The following RGS7 variants were observed in gnomAD, a reference collection of about 807,000 sequenced individuals.
The protein encoded by RGS7 is regulator of G protein signaling 7.
A neutral mutation model predicts 81.1 loss-of-function variants in RGS7; 27 were observed. The observed-to-expected ratio is 0.33, with a 90% CI of 0.25 to 0.46. The LOEUF is 0.46. RGS7 is among the 20% of genes least tolerant of loss of function. RGS7 has a pLI of 1.00. For synonymous variants in RGS7, 208 were observed against 207.7 expected (o/e 1.00, Z -0.01); for missense variants, 396 against 607.4 (o/e 0.65, Z 3.66).
intron 2 of RGS7, among the ~76,000 whole-genome samples, chr1:241,323,297 A>AT (rs902568995): frequency 6.6e-6 from 1 of 152,174 alleles, no homozygotes; most frequent in African/African-American, 2.4e-5. Context: ...TGTTGTGACA[A>AT]TTTTTTTCAT....
intron 4 of RGS7, among the ~76,000 whole-genome samples, chr1:240,939,150 C>A (rs2148387167): frequency 6.6e-6 from 1 of 152,296 alleles, no homozygotes; most frequent in Admixed American, 6.5e-5. Context: ...ATGGTAGCTA[C>A]TGTGCTTCAT....
At position 241,310,255 on chromosome 1, in the gene RGS7, T is replaced by A. The variant is rs115456920; in HGVS notation, c.78+45444A>T. Among the ~76,000 whole-genome samples, 773 of 152,292 alleles carry A rather than the reference T, an allele frequency of 5.1e-3. 4 individuals carry two copies. The highest frequency in any genetic ancestry group is 0.01 in the Middle Eastern group (3 of 294). ...AAAAAAAGTCAAGAACTTGAGAAAT[T>A]GACTGAAGTAGCACCCTGTCTTCTA... On this transcript the variant is annotated intron_variant, in intron 2 of 18. Coordinates refer to ENST00000440928, the MANE Select transcript of RGS7 (RefSeq NM_001364886.1).
At chr1:241,282,700 T>C (rs1171526127) in intron 2 of RGS7, among the ~76,000 whole-genome samples, 1 of 152,122 alleles carries the variant, frequency 6.6e-6, no homozygotes, top group Non-Finnish European at 1.5e-5. Context: ...AGCTGTAGGG[T>C]TTCTGTAAAT....
rs780846590 is a variant in RGS7 at position 241,355,788 on chromosome 1, C to T, written c.-12G>A. The stretch of plus-strand genomic sequence containing the variant: ...TTCCCCTGGGCCATGTCACCCAAAA[C>T]TTGGTCCACTCTCAAGATACAAGAA... On this transcript the variant is annotated 5_prime_UTR_variant, in exon 2 of 19. Transcript: ENST00000440928. The T allele has an allele frequency of 6.2e-7, 1 of 1,613,342 alleles. No individual in the cohort carries two copies. Among genetic ancestry groups the T allele is most frequent in the South Asian group, 1.1e-5 (1 of 91,062 alleles).
chr1:241,346,845 TA>T (rs1355765714), intron 2 of RGS7, among the ~76,000 whole-genome samples: 3 of 152,130 alleles, frequency 2.0e-5, no homozygotes, highest in Admixed American at 1.3e-4. Flanking sequence ...ATACCAAATA[TA>T]AAATTTAGAA....
rs1663406437 is a variant in RGS7 at position 240,866,911 on chromosome 1, G to A, written c.609+1676C>T. Among the ~76,000 whole-genome samples the A allele has an allele frequency of 2.0e-5, 3 of 152,136 alleles. No homozygotes were observed. The South Asian group carries it at 6.2e-4, about 32-fold the overall frequency. On this transcript the variant is annotated intron_variant, in intron 9 of 18. Transcript: ENST00000440928. ...GGTTGCCAGGAGGATCCAGGTCATGGAAGCTAAACGAGGCTAGAGATGAGC... is the reference window on the plus strand; with the variant it reads ...GGTTGCCAGGAGGATCCAGGTCATGAAAGCTAAACGAGGCTAGAGATGAGC...
chr1:240,831,825 C>T (rs1202488107), intron 9 of RGS7, among the ~76,000 whole-genome samples: 1 of 151,968 alleles, frequency 6.6e-6, no homozygotes, highest in Non-Finnish European at 1.5e-5. Flanking sequence ...TTAGTAGAGA[C>T]AAGGTTTTGC....
intron 3 of RGS7, among the ~76,000 whole-genome samples, chr1:241,059,129 C>T (rs2061620009): frequency 6.6e-6 from 1 of 152,220 alleles, no homozygotes; most frequent in African/African-American, 2.4e-5. Context: ...CTCCATCCAC[C>T]TCTCAGGGTG....
chr1:240,886,800 G>A (rs1667403103), intron 6 of RGS7, among the ~76,000 whole-genome samples: 1 of 152,210 alleles, frequency 6.6e-6, no homozygotes, highest in Non-Finnish European at 1.5e-5. Flanking sequence ...ACATGGGGAA[G>A]AAAATAGTGA....
intron 6 of RGS7, among the ~76,000 whole-genome samples, chr1:240,912,291 A>G (rs569834512): frequency 6.2e-4 from 94 of 152,156 alleles, no homozygotes; most frequent in Non-Finnish European, 1.3e-3. Flanking sequence ...GACAAGCAGG[A>G]GTAACATTTA....
At chr1:241,228,774 G>A (rs1287107618) in intron 2 of RGS7, among the ~76,000 whole-genome samples, 2 of 152,088 alleles carry the variant, frequency 1.3e-5, no homozygotes, top group Non-Finnish European at 2.9e-5. Context: ...TTTGGCATCA[G>A]ATCTGGGCTG....
At chr1:240,892,478 A>G (rs1032722572) in intron 6 of RGS7, among the ~76,000 whole-genome samples, 1 of 152,180 alleles carries the variant, frequency 6.6e-6, no homozygotes, top group East Asian at 1.9e-4. Flanking sequence ...AAATTCAGAA[A>G]TGGTCATCTA....
At position 240,827,145 on chromosome 1, in the gene RGS7, C is replaced by A; in HGVS notation, c.637G>T (p.Asp213Tyr). 2 of 1,613,700 alleles carry A rather than the reference C, an allele frequency of 1.2e-6. No homozygotes were observed. The highest frequency in any genetic ancestry group is 1.7e-6 in the Non-Finnish European group (2 of 1,179,620). ...VPGCVNTTEV[D>Y]IKKSSRMRNP... ...CTCATTCTGGATGACTTCTTAATGT[C>A]CACTTCAGTTGTATTTACACATCCA... Residue 213 changes from aspartate to tyrosine, a missense_variant, in exon 10 of 19, where the codon GAC (aspartate) becomes TAC (tyrosine). Asp to Tyr is a radical substitution (Grantham distance 160). Coordinates refer to ENST00000440928, the MANE Select transcript of RGS7 (RefSeq NM_001364886.1).
intron 2 of RGS7, among the ~76,000 whole-genome samples, chr1:241,334,266 A>G (rs1319495618): frequency 6.6e-6 from 1 of 152,172 alleles, no homozygotes. Flanking sequence ...TTTTCCCATA[A>G]AGAGTAATCA....
chr1:240,875,478 ATGT>A (rs757682815), intron 6 of RGS7, among the ~76,000 whole-genome samples: 2 of 152,184 alleles, frequency 1.3e-5, no homozygotes, highest in Non-Finnish European at 2.9e-5. Flanking sequence ...ATTGTGAATA[ATGT>A]TGTAATGAAC....
At chr1:240,817,530 C>T (rs1336743999) in intron 10 of RGS7, among the ~76,000 whole-genome samples, 8 of 152,134 alleles carry the variant, frequency 5.3e-5, no homozygotes, top group Non-Finnish European at 1.5e-5. Flanking sequence ...CGTCTTGACT[C>T]TGTATCTGTC....
intron 3 of RGS7, among the ~76,000 whole-genome samples, chr1:241,024,077 C>G (rs1443379674): frequency 6.6e-6 from 1 of 152,152 alleles, no homozygotes; most frequent in Non-Finnish European, 1.5e-5. Context: ...ATAACTGTTT[C>G]AAAGATGAGA....
intron 2 of RGS7, among the ~76,000 whole-genome samples, chr1:241,194,195 T>A (rs1047366393): frequency 1.3e-5 from 2 of 152,226 alleles, no homozygotes; most frequent in African/African-American, 4.8e-5. Flanking sequence ...TGTCTACATT[T>A]TTGTCATCAT....
At chr1:240,917,972 A>C (rs1351339537) in intron 6 of RGS7, among the ~76,000 whole-genome samples, 2 of 152,228 alleles carry the variant, frequency 1.3e-5, no homozygotes, top group Non-Finnish European at 2.9e-5. Context: ...TTAATTTCAG[A>C]CAAAGACTCT....
Sources: allele counts gnomAD v4.1 joint callset (sites outside exome capture counted in the v4.1 genomes callset), GRCh38; gene constraint gnomAD v4.1.1; transcripts MANE v1.5; gene names NCBI Gene and HGNC (gene_info 2026-07-23, HGNC 2026-07-21).